ARID1A: variants seen among roughly 807,000 people sequenced by gnomAD.
ARID1A encodes AT-rich interactive domain-containing protein 1A.
Under a neutral mutation model 212.6 loss-of-function variants are expected in ARID1A, and 20 were observed. The ratio of observed to expected loss-of-function variants is 0.09; its 90% CI spans 0.07 to 0.14. The LOEUF is 0.14. Among genes scored for constraint, ARID1A ranks in the 10% least tolerant of loss-of-function variants. ARID1A has a pLI of 1.00. For synonymous variants in ARID1A, 1,376 were observed against 1,222.1 expected (o/e 1.13, Z -2.63); for missense variants, 2,587 against 3,059.0 (o/e 0.85, Z 3.64).
chr1:26,702,835 T>G (rs945146352), intron 1 of ARID1A, among the ~76,000 whole-genome samples: 1 of 152,110 alleles, frequency 6.6e-6, no homozygotes, highest in Non-Finnish European at 1.5e-5. Flanking sequence ...CCTGTTAAAG[T>G]CAATTGCAGT....
chr1:26,756,326 T>C (rs12758271), intron 4 of ARID1A, among the ~76,000 whole-genome samples: 1 of 151,660 alleles, frequency 6.6e-6, no homozygotes, highest in African/African-American at 2.4e-5. Context: ...GAGGCCAAGG[T>C]GGGCGGATCA....
intron 4 of ARID1A, among the ~76,000 whole-genome samples, chr1:26,742,667 C>A (rs977452749): frequency 6.6e-5 from 10 of 152,078 alleles, no homozygotes; most frequent in African/African-American, 2.2e-4. Flanking sequence ...GTAAAATTTT[C>A]AAATGAAATA....
intron 8 of ARID1A, among the ~76,000 whole-genome samples, chr1:26,763,560 C>T (rs1001408379): frequency 6.6e-6 from 1 of 152,132 alleles, no homozygotes; most frequent in African/African-American, 2.4e-5. Flanking sequence ...ATCATGAGGT[C>T]AGAAATCAAG....
chr1:26,767,699 T>TTC (rs1204972557), intron 10 of ARID1A, 91 bp from the exon 11 acceptor site: 4 of 1,298,646 alleles, frequency 3.1e-6, no homozygotes, highest in Non-Finnish European at 4.2e-6. Context: ...GTAAGAAGCT[T>TTC]TAACACTGCT....
rs772532872 is a variant in ARID1A at position 26,774,905 on chromosome 1, C to G, written c.4678C>G (p.Pro1560Ala). The change falls in exon 18 of 20, where the codon CCT becomes GCT. Residue 1560 changes from proline to alanine, a missense_variant. Coordinates refer to ENST00000324856, the MANE Select transcript of ARID1A (RefSeq NM_006015.6). This position sits in a 1 kb window ranked among gnomAD's most constrained non-coding sequence, Gnocchi z 5.6. ...CCAGCCCCCATATGGTCCCTCTGCCCCTGTGCCCCCCATGACAAGGCCCCC... is the reference window on the plus strand; with the variant it reads ...CCAGCCCCCATATGGTCCCTCTGCCGCTGTGCCCCCCATGACAAGGCCCCC... ...TRQPPYGPSA[P>A]VPPMTRPPPS... The G allele has an allele frequency of 8.3e-5, 129 of 1,558,900 alleles. No individual in the cohort carries two copies. The highest frequency in any genetic ancestry group is 1.0e-4 in the Non-Finnish European group (120 of 1,152,652).
chr1:26,736,018 A>G (rs1335922675), intron 4 of ARID1A, among the ~76,000 whole-genome samples: 1 of 152,070 alleles, frequency 6.6e-6, no homozygotes, highest in Non-Finnish European at 1.5e-5. Context: ...ACTAAAGGCC[A>G]TTGTTATTTT....
intron 1 of ARID1A, among the ~76,000 whole-genome samples, chr1:26,698,485 C>T (rs1415811769): frequency 6.6e-6 from 1 of 152,198 alleles, no homozygotes; most frequent in Non-Finnish European, 1.5e-5. Context: ...AATACTGTAT[C>T]AGCAAGAGCA....
chr1:26,700,579 T>C (rs533157465), intron 1 of ARID1A, among the ~76,000 whole-genome samples: 1 of 152,384 alleles, frequency 6.6e-6, no homozygotes, highest in Admixed American at 6.5e-5. Flanking sequence ...TTAGCAATAA[T>C]ACTTTGAGAG....
chr1:26,701,324 T>C (rs2080329988), intron 1 of ARID1A, among the ~76,000 whole-genome samples: 2 of 152,222 alleles, frequency 1.3e-5, no homozygotes, highest in African/African-American at 4.8e-5. Flanking sequence ...GCCAGTGAGC[T>C]GTAATACCTG....
chr1:26,707,803 G>C (rs1168079559), intron 1 of ARID1A, among the ~76,000 whole-genome samples: 1 of 152,160 alleles, frequency 6.6e-6, no homozygotes, highest in Non-Finnish European at 1.5e-5. Flanking sequence ...TGAGGAAATA[G>C]AGTAAGATAA....
chr1:26,706,225 G>A (rs1258445491), intron 1 of ARID1A, among the ~76,000 whole-genome samples: 1 of 152,158 alleles, frequency 6.6e-6, no homozygotes, highest in Admixed American at 6.5e-5. Flanking sequence ...TGCAAAGTTA[G>A]ATATTAGACT....
rs2124068301 is a variant in ARID1A, at chr1:26,763,046, C to T, written c.2493C>T (p.Gly831=). ...ACCCCAGTGCAGGCATGGCTGGAGGCATAAACCCCATGGGTGCCGGAGGTC... is the reference window on the plus strand; with the variant it reads ...ACCCCAGTGCAGGCATGGCTGGAGGTATAAACCCCATGGGTGCCGGAGGTC... ...ANYPSAGMAG[G]INPMGAGGQM... Residue 831 remains glycine (G), a synonymous_variant, in exon 8 of 20, where the codon GGC becomes GGT. Transcript: ENST00000324856. The T allele has an allele frequency of 6.2e-7, 1 of 1,614,154 alleles. No individual in the cohort carries two copies. Among genetic ancestry groups the T allele is most frequent in the South Asian group, 1.1e-5 (1 of 91,086 alleles).
chr1:26,746,794 T>G (rs1462053855), intron 4 of ARID1A, among the ~76,000 whole-genome samples: 1 of 152,196 alleles, frequency 6.6e-6, no homozygotes, highest in Non-Finnish European at 1.5e-5. Context: ...CCCAGCAGTT[T>G]GGGAGGCCAA....
At chr1:26,769,257 A>G (rs1233746665) in intron 11 of ARID1A, 1 of 152,248 alleles carries the variant, frequency 6.6e-6, no homozygotes. Context: ...GATGAGGTAC[A>G]GAGAGAATTC....
chr1:26,781,244 T>C lies in ARID1A; in HGVS notation c.*488T>C. The C allele has an allele frequency of 4.2e-6, 1 of 236,454 alleles. No individual in the cohort carries two copies. The highest frequency in any genetic ancestry group is 8.3e-6 in the Non-Finnish European group (1 of 120,090). 14.6% of individuals were successfully genotyped at this position (236,454 alleles called of 1,614,324 possible). A position where few individuals can be genotyped will look rare whatever the true frequency, so the allele number is the denominator to read the frequency against. On this transcript the variant is annotated 3_prime_UTR_variant, in exon 20 of 20. Transcript: ENST00000324856. Reference sequence around the variant, plus strand: ...ACTGTGTGTGGTTTATTGTTGTACATTCACAATCTTGCAGGAGCCAAGAAG... The same window carrying C: ...ACTGTGTGTGGTTTATTGTTGTACACTCACAATCTTGCAGGAGCCAAGAAG...
chr1:26,758,555 G>A (rs2080961878), intron 4 of ARID1A, among the ~76,000 whole-genome samples: 2 of 152,008 alleles, frequency 1.3e-5, no homozygotes, highest in Admixed American at 1.3e-4. Context: ...GCAGGTTGAG[G>A]CTGTAGGGAG....
At chr1:26,706,279 C>T (rs890016445) in intron 1 of ARID1A, among the ~76,000 whole-genome samples, 8 of 152,170 alleles carry the variant, frequency 5.3e-5, no homozygotes, top group Non-Finnish European at 1.0e-4. Context: ...TTCCATGGCT[C>T]ATCACTAGCA....
At chr1:26,777,917 A>C (rs921352465) in intron 19 of ARID1A, among the ~76,000 whole-genome samples, 6 of 152,020 alleles carry the variant, frequency 3.9e-5, no homozygotes, top group African/African-American at 1.5e-4. Context: ...AAAATATAAA[A>C]ATTAGCCGGG....
chr1:26,727,740 T>C (rs2080631784), intron 1 of ARID1A: 1 of 152,216 alleles, frequency 6.6e-6, no homozygotes, highest in African/African-American at 2.4e-5. Flanking sequence ...AGACCTAGAC[T>C]GACAGAGATA....
Sources: allele counts gnomAD v4.1 joint callset (sites outside exome capture counted in the v4.1 genomes callset), GRCh38; gene constraint gnomAD v4.1.1; non-coding constraint Gnocchi (gnomAD v3.1); transcripts MANE v1.5; gene names NCBI Gene and HGNC (gene_info 2026-07-23, HGNC 2026-07-21).